The following MAGI2 variants were observed in gnomAD, a reference collection of about 807,000 sequenced individuals.
The protein encoded by MAGI2 is membrane associated guanylate kinase, WW and PDZ domain containing 2, also known as membrane-associated guanylate kinase, WW and PDZ domain-containing protein 2.
MAGI2 carries 35 observed loss-of-function variants against 133.3 expected under a neutral mutation model. The observed-to-expected ratio is 0.26, with a 90% CI of 0.20 to 0.35. The LOEUF (loss-of-function observed/expected upper bound fraction) is 0.35, where lower values mean the gene tolerates loss of function less well. MAGI2 is among the 10% of genes least tolerant of loss of function. The pLI, the probability that MAGI2 is intolerant of heterozygous loss-of-function variation, is 1.00. For missense variants in MAGI2, 1,636 were observed against 1,863.4 expected (o/e 0.88, Z 2.25); for synonymous variants, 729 against 710.6 (o/e 1.03, Z -0.41).
At chr7:78,125,948 C>A in intron 19 of MAGI2, 111 bp from the exon 20 acceptor site, 1 of 1,117,618 alleles carries the variant, frequency 8.9e-7, no homozygotes. Flanking sequence ...TTCCAAATGA[C>A]ATGATGTTGG....
intron 1 of MAGI2, among the ~76,000 whole-genome samples, chr7:79,045,609 A>G (rs113932468): frequency 0.06 from 9,127 of 152,110 alleles, 302 homozygotes; most frequent in African/African-American, 0.074. Flanking sequence ...TGCCTAACAC[A>G]GTGAAACCCC....
chr7:78,967,323 A>G, intron 2 of MAGI2, among the ~76,000 whole-genome samples: 1 of 152,070 alleles, frequency 6.6e-6, no homozygotes, highest in Non-Finnish European at 1.5e-5. Flanking sequence ...ATTGAGTTGT[A>G]GGAGTTCTTT....
chr7:79,060,887 T>C (rs968372043), intron 1 of MAGI2, among the ~76,000 whole-genome samples: 3 of 152,084 alleles, frequency 2.0e-5, no homozygotes, highest in African/African-American at 7.2e-5. Context: ...AGAACAATTA[T>C]ACTAAAAGAA....
intron 1 of MAGI2, among the ~76,000 whole-genome samples, chr7:79,101,227 C>T (rs924436498): frequency 2.6e-5 from 4 of 151,678 alleles, no homozygotes; most frequent in Non-Finnish European, 4.4e-5. Flanking sequence ...TATGCCTTAC[C>T]AGTGATTTGT....
chr7:78,145,564 T>G (rs766182057), intron 16 of MAGI2, among the ~76,000 whole-genome samples: 3 of 152,146 alleles, frequency 2.0e-5, no homozygotes, highest in Non-Finnish European at 4.4e-5. Flanking sequence ...ATGGTAGAAT[T>G]AGTACCATTA....
At chr7:78,699,595 G>A (rs1817863440) in intron 2 of MAGI2, among the ~76,000 whole-genome samples, 2 of 152,050 alleles carry the variant, frequency 1.3e-5, no homozygotes, top group African/African-American at 4.8e-5. Context: ...CTAGGCCCAA[G>A]CATTCAGGAT....
At chr7:79,103,793 G>C (rs1021729610) in intron 1 of MAGI2, among the ~76,000 whole-genome samples, 1 of 151,876 alleles carries the variant, frequency 6.6e-6, no homozygotes, top group Non-Finnish European at 1.5e-5. Context: ...TCCGCCTCCC[G>C]GGTTCACGCC....
chr7:79,169,893 C>A (rs1406479809), intron 1 of MAGI2, among the ~76,000 whole-genome samples: 1 of 151,828 alleles, frequency 6.6e-6, no homozygotes, highest in Non-Finnish European at 1.5e-5. Flanking sequence ...TAAATTCCCA[C>A]TTTCAGTGCC....
rs551543107 is a variant in MAGI2 at position 79,350,040 on chromosome 7, C to T, written c.301+102980G>A. ...TGTTTTCTTTCCTAATGTTTAAGTACAGAGGCTGATGCTGAGGCCAGAACT... is the reference window on the plus strand; with the variant it reads ...TGTTTTCTTTCCTAATGTTTAAGTATAGAGGCTGATGCTGAGGCCAGAACT... On this transcript the variant is annotated intron_variant, in intron 1 of 21. Coordinates refer to ENST00000354212, the MANE Select transcript of MAGI2 (RefSeq NM_012301.4). 1.1e-3 allele frequency among the ~76,000 whole-genome samples: 165 copies of T among 152,180 alleles called. 2 individuals are homozygous for T. The highest frequency in any genetic ancestry group is 3.5e-3 in the African/African-American group (144 of 41,560).
Position 78,135,153 on chromosome 7 carries a change from C to T in MAGI2, c.2899G>A (p.Ala967Thr), listed in dbSNP as rs1343388264. Residue 967 changes from alanine to threonine, a missense_variant, in exon 17 of 22, where the codon GCA becomes ACA. By Grantham distance (58) the Ala-to-Thr change is moderately conservative. Transcript: ENST00000354212. ...IIDGSPADRC[A>T]KLKVGDRILA... Reference sequence around the variant, plus strand: ...ATCCGGTCTCCCACTTTTAGTTTTGCACAGCGATCTGCAGGACTCCCATCA... The same window carrying T: ...ATCCGGTCTCCCACTTTTAGTTTTGTACAGCGATCTGCAGGACTCCCATCA... 8 of 1,614,058 alleles carry T rather than the reference C, an allele frequency of 5.0e-6. No individual in the cohort carries two copies. The highest frequency in any genetic ancestry group is 2.2e-5 in the East Asian group (1 of 44,896).
intron 2 of MAGI2, 50 bp from the exon 3 acceptor site, chr7:78,627,289 T>C (rs1808472150): frequency 7.0e-7 from 1 of 1,428,784 alleles, no homozygotes; most frequent in Non-Finnish European, 9.2e-7. Context: ...TGATTTGTTG[T>C]TGAACTTTAG....
chr7:78,779,432 A>C (rs1020763270), intron 2 of MAGI2, among the ~76,000 whole-genome samples: 1 of 152,178 alleles, frequency 6.6e-6, no homozygotes, highest in Non-Finnish European at 1.5e-5. Context: ...ATAGAACCAA[A>C]ATCAAATTCA....
At chr7:78,083,148 C>T (rs2151195945) in intron 20 of MAGI2, among the ~76,000 whole-genome samples, 1 of 151,876 alleles carries the variant, frequency 6.6e-6, no homozygotes, top group East Asian at 1.9e-4. Context: ...TTTTTTAAAA[C>T]CAATAGAAAA....
intron 1 of MAGI2, among the ~76,000 whole-genome samples, chr7:79,359,835 C>A (rs1842270864): frequency 6.6e-6 from 1 of 151,948 alleles, no homozygotes; most frequent in South Asian, 2.1e-4. Context: ...GCTAGCTGAC[C>A]AACCCTTAAC....
intron 21 of MAGI2, among the ~76,000 whole-genome samples, chr7:78,037,367 C>A (rs1810340833): frequency 6.6e-6 from 1 of 152,158 alleles, no homozygotes; most frequent in African/African-American, 2.4e-5. Flanking sequence ...AAGACCCCTG[C>A]ATCTTTCCTG....
At chr7:78,975,106 A>G (rs1804130375) in intron 2 of MAGI2, among the ~76,000 whole-genome samples, 1 of 151,772 alleles carries the variant, frequency 6.6e-6, no homozygotes, top group Non-Finnish European at 1.5e-5. Context: ...TCCATCTGCC[A>G]GTGATTGAAA....
chr7:78,629,787 T>G (rs1004257099), intron 2 of MAGI2, among the ~76,000 whole-genome samples: 8 of 152,138 alleles, frequency 5.3e-5, no homozygotes, highest in African/African-American at 1.9e-4. Flanking sequence ...GCAGAAGACA[T>G]GAGCTCATTC....
At chr7:78,727,038 T>G (rs1820889190) in intron 2 of MAGI2, among the ~76,000 whole-genome samples, 1 of 152,182 alleles carries the variant, frequency 6.6e-6, no homozygotes, top group Non-Finnish European at 1.5e-5. Flanking sequence ...CATTTGCTAG[T>G]GTACCTATGT....
At position 78,782,287 on chromosome 7, in the gene MAGI2, G is replaced by A. The variant is rs185020872; in HGVS notation, c.419-155048C>T. On this transcript the variant is annotated intron_variant, in intron 2 of 21. Coordinates refer to ENST00000354212, the MANE Select transcript of MAGI2 (RefSeq NM_012301.4). Reference sequence around the variant, plus strand: ...AGTAAACAAGTGGATGCAAAGTCATGGGCAAGGGCGATTTGAGGCGGACTG... The same window carrying A: ...AGTAAACAAGTGGATGCAAAGTCATAGGCAAGGGCGATTTGAGGCGGACTG... Among the ~76,000 whole-genome samples the A allele has an allele frequency of 8.7e-4, 132 of 152,306 alleles. 1 individual carries two copies. Among genetic ancestry groups the A allele is most frequent in the African/African-American group, 3.0e-3 (124 of 41,580 alleles).
Sources: gnomAD v4.1 joint callset for allele counts (sites outside exome capture counted in the v4.1 genomes callset) on GRCh38, gnomAD v4.1.1 for gene constraint, MANE v1.5 for transcripts, NCBI Gene and HGNC (gene_info 2026-07-23, HGNC 2026-07-21) for gene names.